The following FKBP9 variants were observed in gnomAD, a reference collection of about 807,000 sequenced individuals.
The protein encoded by FKBP9 is peptidyl-prolyl cis-trans isomerase FKBP9.
FKBP9 carries 27 observed loss-of-function variants against 55.6 expected under a neutral mutation model. That is an observed-to-expected ratio of 0.49 (90% CI 0.36 to 0.67). The LOEUF (loss-of-function observed/expected upper bound fraction) is 0.67, where lower values mean the gene tolerates loss of function less well. FKBP9 is among the 30% of genes least tolerant of loss of function. The pLI, the probability that FKBP9 is intolerant of heterozygous loss-of-function variation, is 0.00. For synonymous variants in FKBP9, 267 were observed against 296.5 expected (o/e 0.90, Z 1.02); for missense variants, 539 against 742.8 (o/e 0.73, Z 3.19).
In FKBP9 at chr7:32,976,608, A is replaced by G; in HGVS notation, c.703+109A>G. On this transcript the variant is annotated intron_variant, in intron 4 of 9. Coordinates refer to ENST00000242209, the MANE Select transcript of FKBP9 (RefSeq NM_007270.5). ...CCACTAGACCTTTCGGTCTAGACCT[A>G]CACTGGCCAATATGGTAACCACTAG... The G allele has an allele frequency of 2.1e-6, 3 of 1,445,620 alleles. No homozygotes were observed. The South Asian group carries it at 4.2e-5, about 20-fold the overall frequency. The allele number at this position is 1,445,620 out of a possible 1,614,324, so 89.5% of individuals were successfully genotyped here.
chr7:32,989,682 A>G (rs1784646623), intron 6 of FKBP9, among the ~76,000 whole-genome samples: 1 of 152,190 alleles, frequency 6.6e-6, no homozygotes, highest in Non-Finnish European at 1.5e-5. Context: ...GGCTTCCCAA[A>G]GTGCTGGGAT....
At chr7:33,003,875 G>T (rs577682840) in intron 9 of FKBP9, among the ~76,000 whole-genome samples, 39 of 152,096 alleles carry the variant, frequency 2.6e-4, no homozygotes, top group African/African-American at 9.4e-4. Flanking sequence ...TCCTGATGGC[G>T]TCTGGATTTG....
chr7:32,979,532 A>T, intron 4 of FKBP9: 1 of 1,550,594 alleles, frequency 6.4e-7, no homozygotes. Flanking sequence ...GCTTGGCGGC[A>T]TCTGGTTTGC....
intron 6 of FKBP9, among the ~76,000 whole-genome samples, chr7:32,993,240 A>G (rs1784718399): frequency 6.6e-6 from 1 of 152,194 alleles, no homozygotes. Context: ...TTACCTTGTT[A>G]ACCATTTTAA....
At chr7:32,999,146 C>A (rs1467275974) in intron 7 of FKBP9, among the ~76,000 whole-genome samples, 2 of 152,074 alleles carry the variant, frequency 1.3e-5, no homozygotes, top group East Asian at 3.9e-4. Flanking sequence ...AAACACAAAC[C>A]CTGTCTTGGT....
chr7:32,997,753 G>T (rs1245732810), intron 7 of FKBP9, among the ~76,000 whole-genome samples: 4 of 152,196 alleles, frequency 2.6e-5, no homozygotes, highest in Non-Finnish European at 5.9e-5. Context: ...TCTTGAATCT[G>T]GGAGGTAGAG....
At chr7:32,975,083 C>T in intron 2 of FKBP9, 99 bp from the exon 3 acceptor site, 1 of 929,906 alleles carries the variant, frequency 1.1e-6, no homozygotes, top group South Asian at 1.5e-5. Flanking sequence ...CTGCTTGAAC[C>T]CTTTTGGCCC....
At chr7:32,988,329 T>C (rs1358868331) in intron 5 of FKBP9, among the ~76,000 whole-genome samples, 178 bp from the exon 6 acceptor site, 3 of 151,980 alleles carry the variant, frequency 2.0e-5, no homozygotes, top group African/African-American at 7.3e-5. Flanking sequence ...TGTGTGGGGG[T>C]TCTTATTTAC....
At chr7:32,996,616 T>TCCTTCCTC (rs1489183386) in intron 7 of FKBP9, among the ~76,000 whole-genome samples, 1 of 110,112 alleles carries the variant, frequency 9.1e-6, no homozygotes, top group African/African-American at 3.0e-5. Context: ...TTTCCTTCCT[T>TCCTTCCTC]CCTTCCTTCC....
At chr7:32,983,606 C>T (rs796688029) in intron 5 of FKBP9, among the ~76,000 whole-genome samples, 9 of 152,306 alleles carry the variant, frequency 5.9e-5, no homozygotes, top group East Asian at 3.9e-4. Context: ...TGAGCCACTG[C>T]GCCCAGTGGT....
chr7:32,967,842 C>T (rs1392848711), intron 1 of FKBP9, among the ~76,000 whole-genome samples: 1 of 152,162 alleles, frequency 6.6e-6, no homozygotes, highest in East Asian at 1.9e-4. Context: ...GCAACCTCCG[C>T]CTCCCAGGTT....
At chr7:32,972,725 C>CCA (rs1010173820) in intron 1 of FKBP9, among the ~76,000 whole-genome samples, 163 of 152,194 alleles carry the variant, frequency 1.1e-3, no homozygotes, top group African/African-American at 3.4e-3. Context: ...TGTTCCCCCC[C>CCA]CACCCTTTTT....
chr7:33,000,150 G>A lies in FKBP9; in HGVS notation c.1262G>A (p.Gly421Glu). Residue 421 changes from glycine to glutamate, a missense_variant, in exon 8 of 10, where the codon GGA becomes GAA. This residue lies in a region of FKBP9 where 102 missense variants were observed against 200.7 expected (regional missense o/e 0.51). Coordinates refer to ENST00000242209, the MANE Select transcript of FKBP9 (RefSeq NM_007270.5). ...NLGKTYNIVL[G>E]SGQVVLGMDM... The stretch of plus-strand genomic sequence containing the variant: ...GGCAAAACTTACAATATTGTTCTGG[G>A]ATCTGGGCAAGTTGTGTTGGGGATG... 3 of 1,614,074 alleles carry A rather than the reference G, an allele frequency of 1.9e-6. No individual in the cohort carries two copies. The highest frequency in any genetic ancestry group is 1.1e-5 in the South Asian group (1 of 91,080).
chr7:32,985,250 A>G (rs1465424909), intron 5 of FKBP9, among the ~76,000 whole-genome samples: 1 of 148,350 alleles, frequency 6.7e-6, no homozygotes, highest in Non-Finnish European at 1.5e-5. Flanking sequence ...ATCTCGGCTC[A>G]CTGCAACCTC....
At chr7:33,000,035 G>A (rs145311636) in intron 7 of FKBP9, 80 bp from the exon 8 acceptor site, 2 of 1,537,804 alleles carry the variant, frequency 1.3e-6, no homozygotes, top group East Asian at 4.5e-5. Context: ...TATCCTAGAA[G>A]TGATGTGTTC....
Position 32,971,473 on chromosome 7 carries a change from CTTCCTTTCTTTCT to C in FKBP9, c.222-3126_222-3114del, listed in dbSNP as rs995901901. On this transcript the variant is annotated intron_variant, in intron 1 of 9. Coordinates refer to ENST00000242209, the MANE Select transcript of FKBP9 (RefSeq NM_007270.5). ...CCTTTCTTCCTTTCTTTCTTCCTTT[CTTCCTTTCTTTCT>C]TTCCTTTCTTTCTTTCCAGGATCTC... 5.3e-4 allele frequency among the ~76,000 whole-genome samples: 81 copies of C among 152,034 alleles called. No homozygotes were observed. In the East Asian group the frequency reaches 0.013, roughly 24 times the overall value.
At chr7:33,003,129 G>A (rs1784964074) in intron 9 of FKBP9, among the ~76,000 whole-genome samples, 1 of 152,222 alleles carries the variant, frequency 6.6e-6, no homozygotes, top group African/African-American at 2.4e-5. Context: ...CTGCCTGTAT[G>A]TGCTGAGTGT....
intron 1 of FKBP9, among the ~76,000 whole-genome samples, chr7:32,971,711 C>G (rs1205204663): frequency 1.3e-5 from 2 of 152,150 alleles, no homozygotes; most frequent in African/African-American, 2.4e-5. Context: ...ACAACTGTTT[C>G]TATACACCTC....
chr7:32,994,056 ATTT>A (rs752142774), intron 6 of FKBP9, among the ~76,000 whole-genome samples: 2 of 152,222 alleles, frequency 1.3e-5, no homozygotes, highest in Non-Finnish European at 2.9e-5. Context: ...CAAGAAAGAT[ATTT>A]TTATTTAATG....
Sources: gnomAD v4.1 joint callset for allele counts (sites outside exome capture counted in the v4.1 genomes callset) on GRCh38, gnomAD v4.1.1 for gene constraint, gnomAD v4.1.1 regional missense constraint, MANE v1.5 for transcripts, NCBI Gene and HGNC (gene_info 2026-07-23, HGNC 2026-07-21) for gene names.